Variants in FNBP1L observed in about 807,000 individuals in gnomAD.
FNBP1L encodes the protein formin-binding protein 1-like.
Under a neutral mutation model 91.2 loss-of-function variants are expected in FNBP1L, and 36 were observed. That is an observed-to-expected ratio of 0.39 (90% CI 0.30 to 0.52). The LOEUF (loss-of-function observed/expected upper bound fraction) is 0.52. Among genes scored for constraint, FNBP1L ranks in the 20% least tolerant of loss-of-function variants. The pLI, the probability that FNBP1L is intolerant of heterozygous loss-of-function variation, is 0.66. For missense variants in FNBP1L, 571 were observed against 732.1 expected, an observed-to-expected ratio of 0.78 and a Z score of 2.54; for synonymous variants, 242 against 237.0, an observed-to-expected ratio of 1.02 and a Z score of -0.19.
At position 93,473,375 on chromosome 1, in the gene FNBP1L, G is replaced by A. The variant is rs550321673; in HGVS notation, c.24+25070G>A. 2.6e-5 allele frequency among the ~76,000 whole-genome samples: 4 copies of A among 152,176 alleles called. No homozygotes were observed. The East Asian group carries it at 5.8e-4, about 22-fold the overall frequency. On this transcript the variant is annotated intron_variant, in intron 1 of 16. Coordinates refer to ENST00000271234, the MANE Select transcript of FNBP1L (RefSeq NM_001164473.3). The stretch of plus-strand genomic sequence containing the variant: ...CTTTCATGCCGGCTCTGCGAGATAA[G>A]TAGTGGTATTCCCATTTTACAGAAG...
At chr1:93,457,797 ATT>A (rs1215552851) in intron 1 of FNBP1L, among the ~76,000 whole-genome samples, 27 of 149,794 alleles carry the variant, frequency 1.8e-4, no homozygotes, top group African/African-American at 6.1e-4. Context: ...TATTATTATT[ATT>A]AATTTTTTTT....
chr1:93,448,377 A>T, intron 1 of FNBP1L, 72 bp downstream of exon 1: 2 of 1,435,280 alleles, frequency 1.4e-6, no homozygotes, highest in South Asian at 1.4e-5. Context: ...GGCGCCGCGG[A>T]CCCTCGGCGG....
intron 7 of FNBP1L, among the ~76,000 whole-genome samples, chr1:93,531,496 TA>T (rs1671676260): frequency 1.3e-5 from 2 of 152,222 alleles, no homozygotes; most frequent in Non-Finnish European, 2.9e-5. Context: ...AGGGATTTAG[TA>T]AAGCAGTGTT....
At chr1:93,513,994 A>T (rs1028539753) in intron 2 of FNBP1L, among the ~76,000 whole-genome samples, 3 of 152,122 alleles carry the variant, frequency 2.0e-5, no homozygotes, top group Non-Finnish European at 4.4e-5. Flanking sequence ...CTGTTTGCAG[A>T]CGACATGATT....
At chr1:93,524,148 A>T in intron 4 of FNBP1L, 113 bp from the exon 5 acceptor site, 1 of 797,496 alleles carries the variant, frequency 1.3e-6, no homozygotes, top group Non-Finnish European at 1.8e-6. Flanking sequence ...GAAAAAAATA[A>T]AGTGAAAAGC....
intron 7 of FNBP1L, among the ~76,000 whole-genome samples, chr1:93,531,154 C>G (rs942448586): frequency 1.3e-5 from 2 of 152,130 alleles, no homozygotes; most frequent in African/African-American, 2.4e-5. Flanking sequence ...TTTGACATGA[C>G]AAAGGAGAAT....
chr1:93,530,706 A>G (rs201421364), intron 6 of FNBP1L, 49 bp from the exon 7 acceptor site: 343 of 1,559,878 alleles, frequency 2.2e-4, no homozygotes, highest in Non-Finnish European at 2.8e-4. Context: ...AAAAAAGTGA[A>G]TTGCTGTGAT....
intron 11 of FNBP1L, chr1:93,543,815 A>T (rs1672125455): frequency 5.3e-6 from 1 of 187,502 alleles, no homozygotes; most frequent in East Asian, 1.3e-4. Context: ...ATTTGAAAGT[A>T]ATGTGATACT....
chr1:93,476,221 GCT>G (rs1669489669), intron 1 of FNBP1L, among the ~76,000 whole-genome samples: 1 of 152,114 alleles, frequency 6.6e-6, no homozygotes, highest in African/African-American at 2.4e-5. Flanking sequence ...TATTTATTCA[GCT>G]CTTAGTAGAC....
rs1159940821 is a variant in FNBP1L at position 93,542,335 on chromosome 1, GC to G, written c.1164+1280del. On this transcript the variant is annotated intron_variant, in intron 11 of 16. Coordinates refer to ENST00000271234, the MANE Select transcript of FNBP1L (RefSeq NM_001164473.3). Reference sequence around the variant, plus strand: ...AGATTAAATATGACAAATTTATGTTGCAAATTAACCAGTAAATCTAAAGGAA... The same window carrying G: ...AGATTAAATATGACAAATTTATGTTGAAATTAACCAGTAAATCTAAAGGAA... Among the ~76,000 whole-genome samples, 7 of 147,582 alleles carry G rather than the reference GC, an allele frequency of 4.7e-5. No individual in the cohort carries two copies. The South Asian group carries it at 1.5e-3, about 32-fold the overall frequency.
At chr1:93,544,273 C>T (rs12409932) in intron 12 of FNBP1L, 57 bp downstream of exon 12, 91,685 of 1,237,302 alleles carry the variant, frequency 0.074, 3,874 homozygotes, top group Admixed American at 0.12. Context: ...CTTTGAGTGA[C>T]GCCCTTAAAT....
intron 1 of FNBP1L, among the ~76,000 whole-genome samples, chr1:93,467,238 C>T (rs569660805): frequency 7.9e-5 from 12 of 152,280 alleles, no homozygotes; most frequent in African/African-American, 2.9e-4. Context: ...GGAAGCAACC[C>T]ACTTGTTCAT....
At chr1:93,502,147 T>C (rs562780246) in intron 2 of FNBP1L, among the ~76,000 whole-genome samples, 87 of 152,318 alleles carry the variant, frequency 5.7e-4, no homozygotes, top group Non-Finnish European at 1.2e-3. Context: ...TGTTTGTATA[T>C]ACAGTTACAT....
In FNBP1L at chr1:93,454,039, A is replaced by G. The variant is rs912116553; in HGVS notation, c.24+5734A>G. ...CATTTGACCTAGGTTTTGGAATAAG[A>G]AGGGTTATGCAGGTGGGGGTTCCTG... On this transcript the variant is annotated intron_variant, in intron 1 of 16. Transcript: ENST00000271234. 3.3e-5 allele frequency among the ~76,000 whole-genome samples: 5 copies of G among 152,192 alleles called. No homozygotes were observed. The South Asian group carries it at 6.2e-4, about 19-fold the overall frequency.
chr1:93,538,619 T>C (rs1557817566), intron 10 of FNBP1L, among the ~76,000 whole-genome samples: 1 of 151,960 alleles, frequency 6.6e-6, no homozygotes, highest in Non-Finnish European at 1.5e-5. Flanking sequence ...CTATAGAGAT[T>C]TTTTTTCCAC....
intron 1 of FNBP1L, among the ~76,000 whole-genome samples, chr1:93,471,402 T>TGA (rs1195193761): frequency 1.4e-4 from 22 of 152,322 alleles, no homozygotes; most frequent in South Asian, 6.2e-4. Context: ...GTTAAGAACC[T>TGA]AATTCTTATC....
intron 1 of FNBP1L, among the ~76,000 whole-genome samples, chr1:93,496,857 C>A (rs930804758): frequency 1.3e-5 from 2 of 152,070 alleles, no homozygotes; most frequent in Non-Finnish European, 2.9e-5. Flanking sequence ...CTAAAAAACA[C>A]CTTCACAGAA....
At chr1:93,500,913 G>A (rs942384367) in intron 2 of FNBP1L, among the ~76,000 whole-genome samples, 3 of 152,086 alleles carry the variant, frequency 2.0e-5, no homozygotes, top group Non-Finnish European at 4.4e-5. Context: ...TTCCACATGA[G>A]AGTATAAACA....
chr1:93,486,301 T>A (rs956644311), intron 1 of FNBP1L, among the ~76,000 whole-genome samples: 1 of 152,042 alleles, frequency 6.6e-6, no homozygotes, highest in African/African-American at 2.4e-5. Context: ...ATTTTGGAAT[T>A]AAAAAAAATC....
Sources: gnomAD v4.1 joint callset for allele counts (sites outside exome capture counted in the v4.1 genomes callset) on GRCh38, gnomAD v4.1.1 for gene constraint, MANE v1.5 for transcripts, NCBI Gene and HGNC (gene_info 2026-07-23, HGNC 2026-07-21) for gene names.